PDE1A: variants seen among roughly 807,000 people sequenced by gnomAD.
PDE1A encodes the protein phosphodiesterase 1A.
In PDE1A, 35 loss-of-function variants were observed where a neutral mutation model predicts 61.7. The observed-to-expected ratio is 0.57, with a 90% confidence interval of 0.43 to 0.75. PDE1A has a LOEUF of 0.75. Ranked by LOEUF, PDE1A falls within the 30% of genes least tolerant of loss-of-function variation. The probability of loss-of-function intolerance (pLI) is 0.00; values close to 1 mark genes in which losing one functional copy is unlikely to be tolerated. For missense variants in PDE1A, 597 were observed against 630.6 expected, an observed-to-expected ratio of 0.95 and a Z score of 0.57; for synonymous variants, 232 against 213.2, an observed-to-expected ratio of 1.09 and a Z score of -0.77.
chr2:182,275,071 T>C (rs1559283923), intron 1 of PDE1A, among the ~76,000 whole-genome samples: 1 of 152,088 alleles, frequency 6.6e-6, no homozygotes, highest in Non-Finnish European at 1.5e-5. Flanking sequence ...ACTTGGATGA[T>C]GGGAGATGAG....
the PDE1A span, among the ~76,000 whole-genome samples, chr2:182,571,680 T>C: frequency 1.1e-4 from 17 of 151,784 alleles, no homozygotes; most frequent in Non-Finnish European, 2.1e-4. Flanking sequence ...AAAATAATAA[T>C]AATAATAATA....
intron 13 of PDE1A, among the ~76,000 whole-genome samples, chr2:182,182,323 A>G (rs1293992806): frequency 1.3e-5 from 2 of 152,144 alleles, no homozygotes; most frequent in Non-Finnish European, 2.9e-5. Flanking sequence ...TCAGCTTTCA[A>G]AATATCTGTA....
chr2:182,152,967 G>A (rs1259134632), intron 13 of PDE1A, among the ~76,000 whole-genome samples: 1 of 152,114 alleles, frequency 6.6e-6, no homozygotes, highest in African/African-American at 2.4e-5. Context: ...GGTAAATTAT[G>A]TATTGGTTCA....
At chr2:182,250,316 CA>C (rs957862941) in intron 2 of PDE1A, among the ~76,000 whole-genome samples, 1 of 152,168 alleles carries the variant, frequency 6.6e-6, no homozygotes, top group Non-Finnish European at 1.5e-5. Context: ...ATTGTTTTCT[CA>C]TAGAGAAATA....
At chr2:182,469,029 T>G (rs1355357539) in intron 2 of PDE1A, among the ~76,000 whole-genome samples, 1 of 151,866 alleles carries the variant, frequency 6.6e-6, no homozygotes, top group African/African-American at 2.4e-5. Flanking sequence ...AGAGGCAGAG[T>G]AGATGTAGCA....
intron 2 of PDE1A, among the ~76,000 whole-genome samples, chr2:182,442,467 A>G (rs1684855287): frequency 6.6e-6 from 1 of 152,090 alleles, no homozygotes. Flanking sequence ...AAAGAACTGC[A>G]GATTAAACAG....
the PDE1A span, among the ~76,000 whole-genome samples, chr2:182,669,184 G>A: frequency 6.6e-6 from 1 of 152,146 alleles, no homozygotes; most frequent in Admixed American, 6.5e-5. Context: ...TAAGTGTACT[G>A]ACCCTTCACT....
At chr2:182,569,258 T>TATATATATATATATATATATATAA in the PDE1A span, among the ~76,000 whole-genome samples, 1 of 145,500 alleles carries the variant, frequency 6.9e-6, no homozygotes. Flanking sequence ...GTCTCAAATA[T>TATATATATATATATATATATATAA]ATATATATAT....
chr2:182,364,503 T>C (rs1224156586), intron 1 of PDE1A, among the ~76,000 whole-genome samples: 2 of 51,824 alleles, frequency 3.9e-5, no homozygotes, highest in Non-Finnish European at 9.4e-5. Context: ...AAAAAAACCT[T>C]ATTCTGAATT....
At chr2:182,307,792 G>A (rs1695688698) in intron 1 of PDE1A, among the ~76,000 whole-genome samples, 2 of 152,106 alleles carry the variant, frequency 1.3e-5, no homozygotes, top group African/African-American at 2.4e-5. Context: ...GGGATGGCTT[G>A]AGACAGTGAG....
At position 182,256,009 on chromosome 2, in the gene PDE1A, C is replaced by T. The variant is rs556396643; in HGVS notation, c.167+8292G>A. On this transcript the variant is annotated intron_variant, in intron 2 of 13. Coordinates refer to ENST00000351439, the Ensembl canonical transcript of PDE1A. The stretch of plus-strand genomic sequence containing the variant: ...TCAACCAATGTTTGGCTATTTCTCT[C>T]TTCCTAGATAACTTCCCAAGGATGA... Among the ~76,000 whole-genome samples, 5 of 144,884 alleles carry T rather than the reference C, an allele frequency of 3.5e-5. No homozygotes were observed. In the East Asian group the frequency reaches 8.0e-4, roughly 23 times the overall value.
chr2:182,715,190 G>C, the PDE1A span, among the ~76,000 whole-genome samples: 3 of 152,280 alleles, frequency 2.0e-5, no homozygotes, highest in Admixed American at 2.0e-4. Context: ...AGGTTGCTTA[G>C]ATGTGAATCC....
chr2:182,503,588 C>T (rs1192820950), intron 2 of PDE1A, among the ~76,000 whole-genome samples: 1 of 152,018 alleles, frequency 6.6e-6, no homozygotes. Context: ...TGTGCCCTTG[C>T]TTCCCTCCGC....
At chr2:182,337,797 A>C (rs982247772) in intron 1 of PDE1A, among the ~76,000 whole-genome samples, 7 of 152,148 alleles carry the variant, frequency 4.6e-5, no homozygotes, top group African/African-American at 1.7e-4. Flanking sequence ...GATCCTTTTC[A>C]GTGCACTAAA....
rs535548827 is a variant in PDE1A, at chr2:182,344,511, G to A, written c.54-80097C>T. 3.9e-5 allele frequency among the ~76,000 whole-genome samples: 6 copies of A among 151,970 alleles called. No homozygotes were observed. In the South Asian group the frequency reaches 1.2e-3, roughly 32 times the overall value. ...CAGAGCAGAGCATTCGACTCATCTT[G>A]GCTTTTTTTAACACCTCCACTTGTA... On this transcript the variant is annotated intron_variant, in intron 1 of 13. Coordinates refer to ENST00000351439, the Ensembl canonical transcript of PDE1A.
the PDE1A span, among the ~76,000 whole-genome samples, chr2:182,537,862 C>A: frequency 1.3e-5 from 2 of 151,808 alleles, no homozygotes; most frequent in Non-Finnish European, 2.9e-5. Context: ...GCCTTGGAGG[C>A]CCCTGAAAAG....
the PDE1A span, among the ~76,000 whole-genome samples, chr2:182,665,876 C>T: frequency 3.9e-5 from 6 of 152,136 alleles, no homozygotes; most frequent in Non-Finnish European, 7.3e-5. Flanking sequence ...CCATAGAATA[C>T]TATGCAGCCA....
At chr2:182,252,575 G>C (rs544649325) in intron 2 of PDE1A, among the ~76,000 whole-genome samples, 2 of 152,304 alleles carry the variant, frequency 1.3e-5, no homozygotes, top group South Asian at 4.1e-4. Context: ...TTAACGAAGA[G>C]TAGTCAGAAA....
chr2:182,343,602 T>A (rs1198183579), intron 1 of PDE1A, among the ~76,000 whole-genome samples: 1 of 152,210 alleles, frequency 6.6e-6, no homozygotes. Context: ...AAGGTTAGCA[T>A]TTTATACAGG....
Sources: allele counts gnomAD v4.1 joint callset (sites outside exome capture counted in the v4.1 genomes callset), GRCh38; gene constraint gnomAD v4.1.1; transcripts MANE v1.5; gene names NCBI Gene and HGNC (gene_info 2026-07-23, HGNC 2026-07-21).